Variants in BTNL2 observed in about 807,000 individuals in gnomAD.
BTNL2 encodes butyrophilin like 2, also known as butyrophilin-like protein 2.
A neutral mutation model predicts 46.8 loss-of-function variants in BTNL2; 46 were observed. The observed-to-expected ratio is 0.98, with a 90% CI of 0.78 to 1.26. BTNL2 has a LOEUF of 1.26. Among genes scored for constraint, BTNL2 ranks in the 50% most tolerant of loss-of-function variants. The pLI is 0.00. For synonymous variants in BTNL2, 226 were observed against 229.1 expected, an observed-to-expected ratio of 0.99 and a Z score of 0.12; for missense variants, 461 against 592.6, an observed-to-expected ratio of 0.78 and a Z score of 2.31.
intron 2 of BTNL2, among the ~76,000 whole-genome samples, chr6:32,404,534 G>A (rs1408406470): frequency 2.6e-5 from 4 of 152,156 alleles, no homozygotes; most frequent in Admixed American, 6.5e-5. Context: ...ACATTTTCAC[G>A]TCTCAGTTTC....
At chr6:32,401,170 T>G (rs1776759717) in intron 4 of BTNL2, among the ~76,000 whole-genome samples, 1 of 118,500 alleles carries the variant, frequency 8.4e-6, no homozygotes, top group Non-Finnish European at 1.6e-5. Flanking sequence ...ATCGCGCCAC[T>G]GCACTCCAGC....
chr6:32,405,807 G>GTTTTTTTTTTTTTTTTTTTTTT (rs56858224), intron 1 of BTNL2, among the ~76,000 whole-genome samples: 1 of 127,810 alleles, frequency 7.8e-6, no homozygotes. Flanking sequence ...TATAAAAACT[G>GTTTTTTTTTTTTTTTTTTTTTT]TTTTTTTTTT....
chr6:32,405,297 A>G lies in BTNL2; in HGVS notation c.80-11T>C. 1 of 1,611,826 alleles carries G rather than the reference A, an allele frequency of 6.2e-7. No homozygotes were observed. The highest frequency in any genetic ancestry group is 8.5e-7 in the Non-Finnish European group (1 of 1,179,104). ...TGACTCTAAAGTCTTCTATAAAATA[A>G]GTGAAAAAGAGGAACGAGGAAATGC... On this transcript the variant is annotated splice_polypyrimidine_tract_variant and intron_variant, in intron 1 of 7. Coordinates refer to ENST00000454136, the MANE Select transcript of BTNL2 (RefSeq NM_001304561.2).
At chr6:32,395,121 G>A in intron 5 of BTNL2, 96 bp from the exon 6 acceptor site, 1 of 1,313,532 alleles carries the variant, frequency 7.6e-7, no homozygotes, top group Non-Finnish European at 1.0e-6. Flanking sequence ...TGGAGGGCTT[G>A]GGGAAGGGAG....
In BTNL2 at chr6:32,396,946, C is replaced by T. The variant is rs1776490528; in HGVS notation, c.731-560G>A. ...AGTGAGCTGAGATCATGCCACTGCACTCCAGGCTGGGTGACAAAGCGAGAC... is the reference window on the plus strand; with the variant it reads ...AGTGAGCTGAGATCATGCCACTGCATTCCAGGCTGGGTGACAAAGCGAGAC... On this transcript the variant is annotated intron_variant, in intron 4 of 7. Coordinates refer to ENST00000454136, the MANE Select transcript of BTNL2 (RefSeq NM_001304561.2). This position sits in a 1 kb window ranked among gnomAD's most constrained non-coding sequence, Gnocchi z 4.4. Among the ~76,000 whole-genome samples the T allele has an allele frequency of 6.6e-6, 1 of 152,102 alleles. No homozygotes were observed. The highest frequency in any genetic ancestry group is 1.5e-5 in the Non-Finnish European group (1 of 68,030).
Position 32,407,092 on chromosome 6 carries a change from C to G in BTNL2, c.32G>C (p.Gly11Ala). MVDFPGYNLS[G>A]AVASFLFILL... ...GATGAATAGGAAGGAGGCGACTGCA[C>G]CAGACAGATTGTAGCCTGGAAAATC... Residue 11 changes from glycine (G) to alanine (A), a missense_variant, in exon 1 of 8, where the codon GGT (glycine) becomes GCT (alanine). Transcript: ENST00000454136. 9.3e-6 allele frequency: 15 copies of G among 1,612,988 alleles called. No individual in the cohort carries two copies. Among genetic ancestry groups the G allele is most frequent in the Non-Finnish European group, 1.3e-5 (15 of 1,179,980 alleles).
At chr6:32,404,803 A>T in intron 2 of BTNL2, 136 bp downstream of exon 2, 1 of 829,884 alleles carries the variant, frequency 1.2e-6, no homozygotes, top group Non-Finnish European at 1.9e-6. Context: ...CTTATTTTTA[A>T]ATCAATCAGG....
At chr6:32,405,807 G>GTTTTTTTTTTGT (rs113012616) in intron 1 of BTNL2, among the ~76,000 whole-genome samples, 7 of 127,808 alleles carry the variant, frequency 5.5e-5, no homozygotes, top group South Asian at 2.5e-4. Flanking sequence ...TATAAAAACT[G>GTTTTTTTTTTGT]TTTTTTTTTT....
chr6:32,395,066 G>A, intron 5 of BTNL2, 41 bp from the exon 6 acceptor site: 1 of 1,516,820 alleles, frequency 6.6e-7, no homozygotes, highest in Non-Finnish European at 8.8e-7. Context: ...GTCCTTTCAA[G>A]TGGATGAGTG....
Position 32,396,460 on chromosome 6 carries a change from C to A in BTNL2, c.731-74G>T. The A allele has an allele frequency of 7.2e-7, 1 of 1,398,194 alleles. No individual in the cohort carries two copies. The highest frequency in any genetic ancestry group is 9.8e-7 in the Non-Finnish European group (1 of 1,015,886). 86.6% of individuals were successfully genotyped at this position (1,398,194 alleles called of 1,614,324 possible). A position where few individuals can be genotyped will look rare whatever the true frequency, so the allele number is the denominator to read the frequency against. ...AATAATGTCATCTCTAAGAACAGCTCCATTGGAGTTTAGAAACCATGAGCA... is the reference window on the plus strand; with the variant it reads ...AATAATGTCATCTCTAAGAACAGCTACATTGGAGTTTAGAAACCATGAGCA... On this transcript the variant is annotated intron_variant, in intron 4 of 7. Transcript: ENST00000454136. The surrounding 1 kb of genome is among the most constrained non-coding windows in gnomAD (Gnocchi z 4.4).
At chr6:32,403,617 T>C (rs58681672) in intron 2 of BTNL2, 16,827 of 175,056 alleles carry the variant, frequency 0.096, 986 homozygotes, top group East Asian at 0.17. Context: ...GATGATGTCT[T>C]GAACTCCAAT....
chr6:32,405,567 T>C, intron 1 of BTNL2: 1 of 449,364 alleles, frequency 2.2e-6, no homozygotes, highest in Non-Finnish European at 4.1e-6. Context: ...GGTAAGATTT[T>C]GAGATTTGAA....
In BTNL2 at chr6:32,396,762, C is replaced by G. The variant is rs529853313; in HGVS notation, c.731-376G>C. ...TTGGGAGGCCGAAGCGGGTGGATCA[C>G]CAGAGGTCAGGAGTTCAAGACCAGC... On this transcript the variant is annotated intron_variant, in intron 4 of 7. Transcript: ENST00000454136. The surrounding 1 kb of genome is among the most constrained non-coding windows in gnomAD (Gnocchi z 4.4). Among the ~76,000 whole-genome samples the G allele has an allele frequency of 6.6e-6, 1 of 152,202 alleles. No individual in the cohort carries two copies. Among genetic ancestry groups the G allele is most frequent in the Admixed American group, 6.5e-5 (1 of 15,294 alleles).
At chr6:32,404,210 G>A (rs73400861) in intron 2 of BTNL2, among the ~76,000 whole-genome samples, 15,874 of 152,156 alleles carry the variant, frequency 0.1, 961 homozygotes, top group East Asian at 0.2. Context: ...TTCCCCATTT[G>A]CCTTAGTAAT....
At chr6:32,403,246 C>T in intron 2 of BTNL2, 30 bp from the exon 3 acceptor site, 1 of 1,560,084 alleles carries the variant, frequency 6.4e-7, no homozygotes, top group Non-Finnish European at 8.7e-7. Context: ...CTCTGACACC[C>T]AGAGCCCACA....
At chr6:32,402,746 A>T (rs903187274) in intron 3 of BTNL2, among the ~76,000 whole-genome samples, 189 bp downstream of exon 3, 5 of 152,266 alleles carry the variant, frequency 3.3e-5, no homozygotes, top group Non-Finnish European at 7.3e-5. Flanking sequence ...AAAATAACGC[A>T]GGCGCCATAA....
Position 32,393,972 on chromosome 6 carries a change from G to T in BTNL2, c.1446C>A (p.Ser482Arg). The T allele has an allele frequency of 6.5e-7, 1 of 1,548,644 alleles. No individual in the cohort carries two copies. Among genetic ancestry groups the T allele is most frequent in the Non-Finnish European group, 8.7e-7 (1 of 1,145,708 alleles). Residue 482 changes from serine to arginine, a missense_variant, in exon 7 of 8, where the codon AGC (serine) becomes AGA (arginine). Ser to Arg is a moderately radical substitution (Grantham distance 110). Transcript: ENST00000454136. This position sits in a 1 kb window ranked among gnomAD's most constrained non-coding sequence, Gnocchi z 4.8. ...AVAVGLPRKRS is the reference protein window; with the variant it reads ...AVAVGLPRKRR ...TGTTTCCCTGACTTACCTCTTTTCA[G>T]CTCCTCTTCCTGGGCAGGCCTACAG...
chr6:32,394,850 G>T lies in BTNL2; in HGVS notation c.1254C>A (p.His418Gln), dbSNP rs144584698. 1.7e-4 allele frequency: 273 copies of T among 1,614,234 alleles called. 7 individuals carry two copies. The South Asian group carries it at 2.4e-3, about 14-fold the overall frequency. The change falls in exon 6 of 8, where the codon CAC becomes CAA. Residue 418 changes from histidine to glutamine, a missense_variant. His to Gln is a conservative substitution (Grantham distance 24). Coordinates refer to ENST00000454136, the MANE Select transcript of BTNL2 (RefSeq NM_001304561.2). This position sits in a 1 kb window ranked among gnomAD's most constrained non-coding sequence, Gnocchi z 4.6. ...ALTQGSHGLF[H>Q]VQTLLRVTNI... ...TTGTGACCCTTAGCAATGTCTGCAC[G>T]TGGAACAGCCCGTGGCTGCCTTGAG...
chr6:32,407,171 G>T lies in BTNL2; in HGVS notation c.-48C>A. The T allele has an allele frequency of 6.6e-7, 1 of 1,510,410 alleles. No individual in the cohort carries two copies. The highest frequency in any genetic ancestry group is 9.2e-7 in the Non-Finnish European group (1 of 1,087,166). 93.6% of individuals were successfully genotyped at this position (1,510,410 alleles called of 1,614,324 possible). On this transcript the variant is annotated 5_prime_UTR_variant, in exon 1 of 8. Coordinates refer to ENST00000454136, the MANE Select transcript of BTNL2 (RefSeq NM_001304561.2). ...AAACGCTGTGCCTAAGTGAGGCTGT[G>T]ACACACCCGGCACACTCCATGGCTT...
Sources: allele counts gnomAD v4.1 joint callset (sites outside exome capture counted in the v4.1 genomes callset), GRCh38; gene constraint gnomAD v4.1.1; non-coding constraint Gnocchi (gnomAD v3.1); transcripts MANE v1.5; gene names NCBI Gene and HGNC (gene_info 2026-07-23, HGNC 2026-07-21).